The following B3GALNT2 variants were observed in gnomAD, a reference collection of about 807,000 sequenced individuals.
B3GALNT2 encodes beta-1,3-N-acetylgalactosaminyltransferase 2.
Under a neutral mutation model 61.1 loss-of-function variants are expected in B3GALNT2, and 53 were observed. That is an observed-to-expected ratio of 0.87 (90% CI 0.70 to 1.09). The LOEUF (loss-of-function observed/expected upper bound fraction) is 1.09, where lower values mean the gene tolerates loss of function less well. Among genes scored for constraint, B3GALNT2 ranks in the 50% least tolerant of loss-of-function variants. B3GALNT2 has a pLI of 0.00. For synonymous variants in B3GALNT2, 223 were observed against 237.4 expected (o/e 0.94, Z 0.56); for missense variants, 544 against 623.0 (o/e 0.87, Z 1.35).
intron 2 of B3GALNT2, among the ~76,000 whole-genome samples, chr1:235,493,604 C>T (rs529345814): frequency 3.9e-5 from 6 of 152,170 alleles, no homozygotes; most frequent in African/African-American, 1.4e-4. Flanking sequence ...ATGGTGAAAC[C>T]CTGTCCTTAC....
In B3GALNT2 at chr1:235,447,764, TAAGA is replaced by T. The variant is rs1396883823; in HGVS notation, c.*2438_*2441del. Among the ~76,000 whole-genome samples, 2 of 152,306 alleles carry T rather than the reference TAAGA, an allele frequency of 1.3e-5. No homozygotes were observed. Among genetic ancestry groups the T allele is most frequent in the Middle Eastern group, 3.4e-3 (1 of 294 alleles). ...GAGTATCATTCTGGTTTATTCAGAT[TAAGA>T]AAGAAATACACTACTGAAATGGTAT... On this transcript the variant is annotated 3_prime_UTR_variant, in exon 12 of 12. Transcript: ENST00000366600.
In B3GALNT2 at chr1:235,449,036, TATTAA is replaced by T. The variant is rs1682709518; in HGVS notation, c.*1165_*1169del. 1 of 356,552 alleles carries T rather than the reference TATTAA, an allele frequency of 2.8e-6. No homozygotes were observed. Among genetic ancestry groups the T allele is most frequent in the South Asian group, 2.5e-5 (1 of 39,796 alleles). The allele number at this position is 356,552 out of a possible 1,614,324, so 22.1% of individuals were successfully genotyped here. ...ACTGCATTTCATGATAAGATTTAAA[TATTAA>T]ATAGAAAGAAACTAGCTAGCCTAAT... is the stretch of plus-strand genomic sequence containing the variant. On this transcript the variant is annotated 3_prime_UTR_variant, in exon 12 of 12. Transcript: ENST00000366600.
At chr1:235,476,820 A>G (rs1280828385) in intron 5 of B3GALNT2, among the ~76,000 whole-genome samples, 2 of 151,506 alleles carry the variant, frequency 1.3e-5, no homozygotes, top group African/African-American at 4.9e-5. Context: ...AGTGCACTCC[A>G]GCCTGGGTGA....
chr1:235,442,343 T>A (rs1681949798), downstream of B3GALNT2, among the ~76,000 whole-genome samples: 1 of 152,170 alleles, frequency 6.6e-6, no homozygotes, highest in Non-Finnish European at 1.5e-5. Flanking sequence ...GTTAATTTTG[T>A]ATTTTTAGTA....
At chr1:235,502,603 G>A (rs1451531163) in intron 1 of B3GALNT2, among the ~76,000 whole-genome samples, 1 of 152,164 alleles carries the variant, frequency 6.6e-6, no homozygotes, top group East Asian at 1.9e-4. Context: ...GGCAGATAAA[G>A]GCATCATCCT....
At chr1:235,477,407 AAAT>A (rs760941359) in intron 5 of B3GALNT2, among the ~76,000 whole-genome samples, 37 of 152,324 alleles carry the variant, frequency 2.4e-4, no homozygotes, top group Middle Eastern at 3.4e-3. Context: ...TTCTAAGCGA[AAAT>A]AATATTTTTT....
At chr1:235,458,450 T>TTA in intron 8 of B3GALNT2, among the ~76,000 whole-genome samples, 153 bp downstream of exon 8, 1 of 151,708 alleles carries the variant, frequency 6.6e-6, no homozygotes, top group East Asian at 1.9e-4. Flanking sequence ...CTCAGGAGGC[T>TTA]AAGGCAGGAG....
intron 6 of B3GALNT2, among the ~76,000 whole-genome samples, chr1:235,467,447 A>G (rs1683752237): frequency 6.6e-6 from 1 of 151,996 alleles, no homozygotes; most frequent in African/African-American, 2.4e-5. Context: ...GTTCCATAAA[A>G]GACTGTATAT....
At chr1:235,499,009 T>C (rs1051157271) in intron 1 of B3GALNT2, among the ~76,000 whole-genome samples, 1 of 152,026 alleles carries the variant, frequency 6.6e-6, no homozygotes, top group African/African-American at 2.4e-5. Context: ...AAAGAAATAA[T>C]CAGTGATACA....
intron 6 of B3GALNT2, 134 bp from the exon 7 acceptor site, chr1:235,465,848 G>T: frequency 1.0e-6 from 1 of 975,938 alleles, no homozygotes. Context: ...TGGTGCACTG[G>T]AGGCTTATAA....
rs887393286 is a variant in B3GALNT2, at chr1:235,501,705, C to G, written c.112+2436G>C. Among the ~76,000 whole-genome samples the G allele has an allele frequency of 3.9e-5, 6 of 151,904 alleles. No individual in the cohort carries two copies. The East Asian group carries it at 1.2e-3, about 29-fold the overall frequency. ...AGGTAAATCGCTCTTTCAAAAAAAA[C>G]AAAGAAACTGCCATTACTTAATGAG... On this transcript the variant is annotated intron_variant, in intron 1 of 11. Coordinates refer to ENST00000366600, the MANE Select transcript of B3GALNT2 (RefSeq NM_152490.5).
Position 235,498,916 on chromosome 1 carries a change from C to A in B3GALNT2, c.113-4088G>T, listed in dbSNP as rs570892977. On this transcript the variant is annotated intron_variant, in intron 1 of 11. Coordinates refer to ENST00000366600, the MANE Select transcript of B3GALNT2 (RefSeq NM_152490.5). ...TTGCGGGAAGGAATGTAATTTGGTA[C>A]AGTCTTCTGCAGGGCAATTTGGCAA... 2.2e-5 allele frequency among the ~76,000 whole-genome samples: 3 copies of A among 139,378 alleles called. No individual in the cohort carries two copies. In the South Asian group the frequency reaches 7.5e-4, roughly 35 times the overall value. The allele number at this position is 139,378 out of a possible 152,430, so 91.4% of individuals were successfully genotyped here. A position where few individuals can be genotyped will look rare whatever the true frequency, so the allele number is the denominator to read the frequency against.
intron 1 of B3GALNT2, among the ~76,000 whole-genome samples, chr1:235,495,671 G>T (rs1164878292): frequency 6.6e-6 from 1 of 152,100 alleles, no homozygotes; most frequent in East Asian, 1.9e-4. Flanking sequence ...GATATACTTT[G>T]TCCTTGTTTT....
chr1:235,457,520 T>C (rs186549247), intron 8 of B3GALNT2, among the ~76,000 whole-genome samples: 53 of 152,276 alleles, frequency 3.5e-4, no homozygotes, highest in African/African-American at 1.3e-3. Context: ...TGTATGTTAC[T>C]ATTATTATAT....
At chr1:235,441,374 C>A in the B3GALNT2 span, 1 of 257,604 alleles carries the variant, frequency 3.9e-6, no homozygotes, top group Non-Finnish European at 7.5e-6. Flanking sequence ...TCCTGTGGAT[C>A]GTGTCTCAGG....
At chr1:235,460,122 T>C (rs1027212024) in intron 7 of B3GALNT2, among the ~76,000 whole-genome samples, 9 of 151,626 alleles carry the variant, frequency 5.9e-5, no homozygotes, top group African/African-American at 1.9e-4. Flanking sequence ...CCTCTTTCTT[T>C]TTTGTTTTTG....
At chr1:235,462,254 G>C (rs1328262674) in intron 7 of B3GALNT2, among the ~76,000 whole-genome samples, 3 of 152,138 alleles carry the variant, frequency 2.0e-5, no homozygotes, top group Non-Finnish European at 4.4e-5. Flanking sequence ...TTTTAGACTA[G>C]TAACACATTT....
chr1:235,463,505 C>T (rs897891594), intron 7 of B3GALNT2: 1 of 149,552 alleles, frequency 6.7e-6, no homozygotes, highest in Non-Finnish European at 1.5e-5. Context: ...GTGCAAGAGA[C>T]CCAGAATAGC....
intron 3 of B3GALNT2, chr1:235,484,740 A>T (rs1684721538): frequency 1.4e-6 from 1 of 721,616 alleles, no homozygotes; most frequent in Non-Finnish European, 2.1e-6. Flanking sequence ...TAAGTTAATT[A>T]TCAGAACTGC....
Sources: allele counts gnomAD v4.1 joint callset (sites outside exome capture counted in the v4.1 genomes callset), GRCh38; gene constraint gnomAD v4.1.1; transcripts MANE v1.5; gene names NCBI Gene and HGNC (gene_info 2026-07-23, HGNC 2026-07-21).